The following SNX8 variants were observed in gnomAD, a reference collection of about 807,000 sequenced individuals.
SNX8 encodes the protein sorting nexin 8.
In SNX8, 25 loss-of-function variants were observed where a neutral mutation model predicts 51.6. The observed-to-expected ratio is 0.48, with a 90% CI of 0.35 to 0.68. The LOEUF is 0.68. Ranked by LOEUF, SNX8 falls within the 30% of genes least tolerant of loss-of-function variation. The pLI is 0.00. For synonymous variants in SNX8, 324 were observed against 277.0 expected (o/e 1.17, Z -1.68); for missense variants, 695 against 624.0 (o/e 1.11, Z -1.21).
At chr7:2,317,892 G>T (rs955293837), upstream of SNX8, among the ~76,000 whole-genome samples, 1 of 152,096 alleles carries the variant, frequency 6.6e-6, no homozygotes, top group African/African-American at 2.4e-5. Context: ...CTTTCCCTAG[G>T]CACAGTGGGA....
At chr7:2,341,195 AAAAAG>A (rs1047311118) in intron 1 of SNX8, among the ~76,000 whole-genome samples, 6 of 151,706 alleles carry the variant, frequency 4.0e-5, no homozygotes, top group South Asian at 2.1e-4. Flanking sequence ...GGAAAGAAAG[AAAAAG>A]AAAAGAAAAG....
upstream of SNX8, among the ~76,000 whole-genome samples, chr7:2,317,994 T>C (rs1051897054): frequency 1.7e-4 from 26 of 152,196 alleles, no homozygotes; most frequent in African/African-American, 6.0e-4. Context: ...TGCCAAATAA[T>C]GTACTCAGCA....
intron 1 of SNX8, among the ~76,000 whole-genome samples, chr7:2,286,841 T>G (rs1490338031): frequency 6.6e-6 from 1 of 152,060 alleles, no homozygotes; most frequent in East Asian, 1.9e-4. Flanking sequence ...TTTTATATTT[T>G]TAAAAAATTA....
chr7:2,267,522 C>T (rs1243395999), intron 5 of SNX8, among the ~76,000 whole-genome samples: 10 of 130,624 alleles, frequency 7.7e-5, no homozygotes, highest in Non-Finnish European at 1.5e-4. Context: ...CTGTGTTGGC[C>T]GGGCCGGTCT....
At chr7:2,327,050 G>A (rs1234550714) in intron 1 of SNX8, among the ~76,000 whole-genome samples, 1 of 152,158 alleles carries the variant, frequency 6.6e-6, no homozygotes, top group Non-Finnish European at 1.5e-5. Flanking sequence ...CTGAAATCAA[G>A]TTGCCGGCAG....
rs529439488 is a variant in SNX8, at chr7:2,352,678, C to CA, written c.-66+1543dup. On this transcript the variant is annotated intron_variant, in intron 1 of 5. Transcript: ENST00000435336. ...AAACCTCGTCTCTACTAAAAAAATACAAAAAAAATCAGCCAGGCGTGGTGG... is the reference window on the plus strand; with the variant it reads ...AAACCTCGTCTCTACTAAAAAAATACAAAAAAAAATCAGCCAGGCGTGGTGG... Among the ~76,000 whole-genome samples, 30 of 151,466 alleles carry CA rather than the reference C, an allele frequency of 2.0e-4. No homozygotes were observed. In the South Asian group the frequency reaches 3.1e-3, roughly 16 times the overall value.
At chr7:2,288,277 G>A (rs1030302811) in intron 1 of SNX8, 2 of 151,596 alleles carry the variant, frequency 1.3e-5, no homozygotes, top group African/African-American at 4.9e-5. Context: ...CTGAGAGGCG[G>A]AGGTGGAGGT....
Position 2,263,259 on chromosome 7 carries a change from C to T in SNX8, c.886G>A (p.Ala296Thr), listed in dbSNP as rs1421659265. 2 of 1,613,950 alleles carry T rather than the reference C, an allele frequency of 1.2e-6. No homozygotes were observed. Among genetic ancestry groups the T allele is most frequent in the East Asian group, 2.2e-5 (1 of 44,884 alleles). The change falls in exon 7 of 11, where the codon GCG becomes ACG. Residue 296 changes from alanine (A) to threonine (T), a missense_variant. By Grantham distance (58) the Ala-to-Thr change is moderately conservative (BLOSUM62 0). Coordinates refer to ENST00000222990, the MANE Select transcript of SNX8 (RefSeq NM_013321.4). ...TGTGCAGCCTTGTCGGCGAGCAGCG[C>T]GAATTCCACAGACAGGCCTTTCAGA... ...QALKGLSVEFALLADKAAQQG... is the reference protein window; with the variant it reads ...QALKGLSVEFTLLADKAAQQG...
chr7:2,315,784 ACTGCATC>A (rs376526913), upstream of SNX8, among the ~76,000 whole-genome samples: 84 of 148,996 alleles, frequency 5.6e-4, 2 homozygotes, highest in African/African-American at 2.1e-3. Flanking sequence ...TCATTCACTC[ACTGCATC>A]CTGCATTCAT....
intron 1 of SNX8, among the ~76,000 whole-genome samples, chr7:2,350,944 G>A (rs1054953863): frequency 1.3e-5 from 2 of 151,838 alleles, no homozygotes; most frequent in Admixed American, 6.6e-5. Context: ...ACTGTGCCTC[G>A]CTCTCTAAAT....
chr7:2,267,612 T>G (rs1489473525), intron 5 of SNX8, among the ~76,000 whole-genome samples: 2 of 146,402 alleles, frequency 1.4e-5, no homozygotes, highest in African/African-American at 5.0e-5. Flanking sequence ...GTTCACTCAG[T>G]GCTCAATGGT....
Position 2,252,567 on chromosome 7 carries a change from CAG to C in SNX8, c.*2487_*2488del, listed in dbSNP as rs1332315301. 6.5e-6 allele frequency: 1 copy of C among 153,018 alleles called. No homozygotes were observed. The highest frequency in any genetic ancestry group is 1.5e-5 in the Non-Finnish European group (1 of 68,642). The allele number at this position is 153,018 out of a possible 1,614,324, so 9.5% of individuals were successfully genotyped here. A position where few individuals can be genotyped will look rare whatever the true frequency, so the allele number is the denominator to read the frequency against. The stretch of plus-strand genomic sequence containing the variant: ...TCCACAGAGCCAACCCCAGGGCACA[CAG>C]GAAGCAGCCACCACACGTGGGAGAC... On this transcript the variant is annotated 3_prime_UTR_variant, in exon 11 of 11. Transcript: ENST00000222990.
In SNX8 at chr7:2,278,271, G is replaced by T. The variant is rs754102215; in HGVS notation, c.129C>A (p.Ala43=). The T allele has an allele frequency of 6.3e-7, 1 of 1,592,756 alleles. No individual in the cohort carries two copies. The highest frequency in any genetic ancestry group is 2.3e-5 in the East Asian group (1 of 42,908). The change falls in exon 2 of 11, where the codon GCC becomes GCA. Residue 43 remains alanine, a synonymous_variant. Transcript: ENST00000222990. ...LPTPQAIEPQ[A]IVQQVPAPSR... ...TGGGGGCTGGGACCTGCTGCACGAT[G>T]GCCTGGGGCTCGATGGCCTGGGGTG...
At chr7:2,263,190 G>T (rs200761595) in intron 7 of SNX8, 40 bp downstream of exon 7, 1 of 1,610,302 alleles carries the variant, frequency 6.2e-7, no homozygotes, top group Non-Finnish European at 8.5e-7. Flanking sequence ...GGCATAGCGT[G>T]TTCTCTGGAA....
At chr7:2,268,565 C>A (rs1414484085) in intron 5 of SNX8, among the ~76,000 whole-genome samples, 1 of 146,142 alleles carries the variant, frequency 6.8e-6, no homozygotes, top group African/African-American at 2.5e-5. Flanking sequence ...GTCAGCCCCC[C>A]GCCTGGCCAG....
chr7:2,346,565 G>A (rs891141589), intron 1 of SNX8, among the ~76,000 whole-genome samples: 2 of 151,576 alleles, frequency 1.3e-5, no homozygotes, highest in African/African-American at 4.8e-5. Context: ...GGCTAACACA[G>A]TGAAACCCCG....
At chr7:2,317,569 G>GC (rs1796777352), upstream of SNX8, among the ~76,000 whole-genome samples, 1 of 151,948 alleles carries the variant, frequency 6.6e-6, no homozygotes, top group Non-Finnish European at 1.5e-5. Context: ...GAGCCACCGT[G>GC]CCCGGCCATC....
intron 2 of SNX8, among the ~76,000 whole-genome samples, chr7:2,277,299 C>T (rs761855522): frequency 6.6e-6 from 1 of 152,178 alleles, no homozygotes; most frequent in Non-Finnish European, 1.5e-5. Flanking sequence ...TGCCCAATAT[C>T]GGGATGCCCA....
chr7:2,291,305 A>AG (rs1796145444), intron 1 of SNX8, among the ~76,000 whole-genome samples: 1 of 151,916 alleles, frequency 6.6e-6, no homozygotes, highest in East Asian at 1.9e-4. Flanking sequence ...TTTAAAAAAA[A>AG]AAAGAAACTA....
Sources: allele counts gnomAD v4.1 joint callset (sites outside exome capture counted in the v4.1 genomes callset), GRCh38; gene constraint gnomAD v4.1.1; transcripts MANE v1.5; gene names NCBI Gene and HGNC (gene_info 2026-07-23, HGNC 2026-07-21).